The following CA3 variants were observed in gnomAD, a reference collection of about 807,000 sequenced individuals.
CA3 encodes the protein carbonic anhydrase 3.
Under a neutral mutation model 35.7 loss-of-function variants are expected in CA3, and 30 were observed. The observed-to-expected ratio is 0.84, with a 90% CI of 0.63 to 1.14. CA3 has a LOEUF of 1.14. CA3 is among the 50% of genes most tolerant of loss of function. The pLI is 0.00. For synonymous variants in CA3, 131 were observed against 130.8 expected, an observed-to-expected ratio of 1.00 and a Z score of -0.01; for missense variants, 295 against 328.5, an observed-to-expected ratio of 0.90 and a Z score of 0.79.
chr8:85,446,692 G>A (rs576614261), intron 6 of CA3, among the ~76,000 whole-genome samples: 1 of 152,166 alleles, frequency 6.6e-6, no homozygotes, highest in African/African-American at 2.4e-5. Flanking sequence ...TAACAATTTT[G>A]TATGCTATAT....
chr8:85,442,901 C>T (rs896560440), intron 3 of CA3, among the ~76,000 whole-genome samples: 2 of 152,176 alleles, frequency 1.3e-5, no homozygotes, highest in African/African-American at 4.8e-5. Context: ...AGAAAAGACA[C>T]ATAATAAAGT....
chr8:85,445,302 T>A, intron 5 of CA3, 84 bp downstream of exon 5: 1 of 837,498 alleles, frequency 1.2e-6, no homozygotes, highest in South Asian at 1.7e-5. Context: ...TTTTTTCACC[T>A]AAAATCTGTT....
chr8:85,445,251 A>G (rs1424230714), intron 5 of CA3, 33 bp downstream of exon 5: 1 of 1,373,670 alleles, frequency 7.3e-7, no homozygotes, highest in African/African-American at 1.4e-5. Flanking sequence ...CCTAAAACAT[A>G]AAGCAGATTA....
rs1447235346 is a variant in CA3 at position 85,448,096 on chromosome 8, CA to C, written c.728del (p.Asn243ThrfsTer13). The C allele has an allele frequency of 6.2e-7, 1 of 1,613,518 alleles. No individual in the cohort carries two copies. Among genetic ancestry groups the C allele is most frequent in the Non-Finnish European group, 8.5e-7 (1 of 1,179,770 alleles). On this transcript the variant is annotated frameshift_variant, in exon 7 of 7. Coordinates refer to ENST00000285381, the MANE Select transcript of CA3 (RefSeq NM_005181.4). LOFTEE classifies it high-confidence loss of function. ...ENEPPVPLVS[N>X]WRPPQPINNR... ...ACGAGCCCCCAGTGCCTCTTGTGAG[CA>C]ACTGGCGACCTCCACAGCCTATCAA... is the stretch of plus-strand genomic sequence containing the variant.
rs1217096667 is a variant in CA3, at chr8:85,438,884, G to A, written c.-26G>A. On this transcript the variant is annotated 5_prime_UTR_variant, in exon 1 of 7. Transcript: ENST00000285381. ...CCACGCAGGGGAAGAGAAAGCAGGA[G>A]CCGTCCAGCACGGAGGAAGGCGACC... The A allele has an allele frequency of 1.9e-6, 3 of 1,550,856 alleles. No homozygotes were observed. The highest frequency in any genetic ancestry group is 3.9e-5 in the Admixed American group (2 of 51,014).
At chr8:85,442,007 T>G in intron 2 of CA3, 66 bp from the exon 3 acceptor site, 1 of 867,014 alleles carries the variant, frequency 1.2e-6, no homozygotes, top group Non-Finnish European at 2.0e-6. Flanking sequence ...TAAGAGCACT[T>G]GGTTAAAGTA....
In CA3 at chr8:85,448,215, C is replaced by T; in HGVS notation, c.*62C>T. 2 of 1,487,572 alleles carry T rather than the reference C, an allele frequency of 1.3e-6. No homozygotes were observed. The highest frequency in any genetic ancestry group is 9.0e-7 in the Non-Finnish European group (1 of 1,115,028). 92.1% of individuals were successfully genotyped at this position (1,487,572 alleles called of 1,614,324 possible). On this transcript the variant is annotated 3_prime_UTR_variant, in exon 7 of 7. Coordinates refer to ENST00000285381, the MANE Select transcript of CA3 (RefSeq NM_005181.4). ...TACCATTGGAGAGCTTGGTTCCTTG[C>T]CTCCTTCTGGTGCTCCTTACTCCAA...
intron 5 of CA3, among the ~76,000 whole-genome samples, chr8:85,445,537 C>CAG (rs1811276465): frequency 7.4e-6 from 1 of 135,928 alleles, no homozygotes; most frequent in African/African-American, 2.9e-5. Context: ...CACACACACA[C>CAG]ACACACACTG....
chr8:85,446,276 C>T lies in CA3; in HGVS notation c.642C>T (p.Pro214=). The change falls in exon 6 of 7, where the codon CCC becomes CCT. Residue 214 remains proline, a synonymous_variant. Transcript: ENST00000285381. The part of the protein sequence containing the change: ...ECIVWLLLKE[P]MTVSSDQMAK... ...TTGTGTGGCTGCTGCTGAAGGAGCC[C>T]ATGACCGTGAGCTCTGACCAGGTGA... 2 of 1,613,794 alleles carry T rather than the reference C, an allele frequency of 1.2e-6. No individual in the cohort carries two copies. The highest frequency in any genetic ancestry group is 8.5e-7 in the Non-Finnish European group (1 of 1,179,728).
rs533481272 is a variant in CA3, at chr8:85,442,376, G to T, written c.351+185G>T. 1.4e-4 allele frequency: 80 copies of T among 552,972 alleles called. No individual in the cohort carries two copies. The South Asian group carries it at 1.7e-3, about 12-fold the overall frequency. 34.3% of individuals were successfully genotyped at this position (552,972 alleles called of 1,614,324 possible). On this transcript the variant is annotated intron_variant, in intron 3 of 6. Coordinates refer to ENST00000285381, the MANE Select transcript of CA3 (RefSeq NM_005181.4). ...CATTCTAGGCTAGACAGGTAAAAGG[G>T]TATAGGTGAGTTGGCATCAAACATG...
chr8:85,446,404 T>A, intron 6 of CA3, 107 bp downstream of exon 6: 2 of 1,245,136 alleles, frequency 1.6e-6, no homozygotes, highest in African/African-American at 1.5e-5. Context: ...ACTGAACAGC[T>A]CTATGGCCAG....
In CA3 at chr8:85,439,816, T is replaced by A. The variant is rs781673137; in HGVS notation, c.139T>A (p.Trp47Arg). Residue 47 changes from tryptophan (W) to arginine (R), a missense_variant, in exon 2 of 7, where the codon TGG (tryptophan) becomes AGG (arginine). Transcript: ENST00000285381. The part of the protein sequence containing the change: ...DIRHDPSLQP[W>R]SVSYDGGSAK... ...CAGGCATGACCCTTCTCTGCAGCCA[T>A]GGTCTGTGTCTTATGATGGTGGCTC... 1 of 1,614,088 alleles carries A rather than the reference T, an allele frequency of 6.2e-7. No individual in the cohort carries two copies. The highest frequency in any genetic ancestry group is 1.7e-5 in the Admixed American group (1 of 60,026).
In CA3 at chr8:85,442,080, A is replaced by G; in HGVS notation, c.240A>G (p.Arg80=). The part of the protein sequence containing the change: ...FDDTYDRSML[R]GGPLPGPYRL... Reference sequence around the variant, plus strand: ...AGCTTATCTGAATCACAGTGCTGAGAGGGGGTCCTCTCCCTGGACCCTACC... The same window carrying G: ...AGCTTATCTGAATCACAGTGCTGAGGGGGGGTCCTCTCCCTGGACCCTACC... The change falls in exon 3 of 7, where the codon AGA becomes AGG. Residue 80 remains arginine (R), a synonymous_variant. Coordinates refer to ENST00000285381, the MANE Select transcript of CA3 (RefSeq NM_005181.4). The G allele has an allele frequency of 2.7e-6, 4 of 1,472,396 alleles. No homozygotes were observed. Among genetic ancestry groups the G allele is most frequent in the Non-Finnish European group, 3.8e-6 (4 of 1,050,730 alleles). The allele number at this position is 1,472,396 out of a possible 1,614,324, so 91.2% of individuals were successfully genotyped here.
At chr8:85,443,412 C>T (rs1295601234) in intron 3 of CA3, among the ~76,000 whole-genome samples, 1 of 152,208 alleles carries the variant, frequency 6.6e-6, no homozygotes. Context: ...CAGAAACACA[C>T]TATGAACATG....
At chr8:85,443,236 C>A in intron 3 of CA3, among the ~76,000 whole-genome samples, 1 of 152,218 alleles carries the variant, frequency 6.6e-6, no homozygotes, top group Admixed American at 6.5e-5. Flanking sequence ...CTCAGATCAA[C>A]GCATCAAATT....
intron 5 of CA3, among the ~76,000 whole-genome samples, chr8:85,445,535 C>CAT (rs1811276377): frequency 6.8e-6 from 1 of 147,116 alleles, no homozygotes; most frequent in African/African-American, 2.6e-5. Flanking sequence ...CACACACACA[C>CAT]ACACACACAC....
intron 4 of CA3, among the ~76,000 whole-genome samples, chr8:85,444,515 AC>A (rs890335256): frequency 1.7e-4 from 26 of 152,300 alleles, no homozygotes; most frequent in Admixed American, 3.3e-4. Context: ...AGTGTTGGGA[AC>A]CATATGATTC....
chr8:85,445,277 C>A, intron 5 of CA3, 59 bp downstream of exon 5: 2 of 1,156,954 alleles, frequency 1.7e-6, no homozygotes, highest in Non-Finnish European at 2.5e-6. Context: ...ATTTTCTTTA[C>A]ATATTTTCAA....
At chr8:85,440,396 A>C (rs1272359384) in intron 2 of CA3, among the ~76,000 whole-genome samples, 2 of 152,344 alleles carry the variant, frequency 1.3e-5, no homozygotes, top group East Asian at 3.9e-4. Flanking sequence ...GAACAGGGCC[A>C]CTGAAGGTGT....
Sources: allele counts gnomAD v4.1 joint callset (sites outside exome capture counted in the v4.1 genomes callset), GRCh38; gene constraint gnomAD v4.1.1; transcripts MANE v1.5; gene names NCBI Gene and HGNC (gene_info 2026-07-23, HGNC 2026-07-21).